OXCT1: variants seen among roughly 807,000 people sequenced by gnomAD.
OXCT1 encodes succinyl-CoA:3-ketoacid coenzyme A transferase 1, mitochondrial.
Under a neutral mutation model 69.6 loss-of-function variants are expected in OXCT1, and 27 were observed. That is an observed-to-expected ratio of 0.39 (90% CI 0.29 to 0.54). The LOEUF (loss-of-function observed/expected upper bound fraction) is 0.54. Ranked by LOEUF, OXCT1 falls within the 20% of genes least tolerant of loss-of-function variation. The pLI is 0.72. For synonymous variants in OXCT1, 202 were observed against 217.8 expected (o/e 0.93, Z 0.64); for missense variants, 437 against 650.2 (o/e 0.67, Z 3.57).
chr5:41,869,641 A>C (rs1257862582), intron 1 of OXCT1, among the ~76,000 whole-genome samples: 1 of 152,192 alleles, frequency 6.6e-6, no homozygotes, highest in Non-Finnish European at 1.5e-5. Flanking sequence ...GGCCAGGGAC[A>C]CACCTCGGAT....
intron 7 of OXCT1, among the ~76,000 whole-genome samples, chr5:41,832,663 C>G (rs903511935): frequency 6.6e-6 from 1 of 152,018 alleles, no homozygotes; most frequent in Non-Finnish European, 1.5e-5. Context: ...CCTCACCAAA[C>G]AAAATAAGGC....
chr5:41,842,072 A>G (rs756727027), intron 6 of OXCT1, among the ~76,000 whole-genome samples: 5 of 152,234 alleles, frequency 3.3e-5, no homozygotes, highest in Admixed American at 6.5e-5. Flanking sequence ...TCAAAAAACA[A>G]CTATATAAAT....
In OXCT1 at chr5:41,762,580, G is replaced by A. The variant is rs1328535186; in HGVS notation, c.1249-380C>T. ...CTTTTTAAACACAATCAACTCTACT[G>A]AGTCTTCAATTAAGGGCACTTTCTA... is the stretch of plus-strand genomic sequence containing the variant. On this transcript the variant is annotated intron_variant, in intron 13 of 16. Transcript: ENST00000196371. This position sits in a 1 kb window ranked among gnomAD's most constrained non-coding sequence, Gnocchi z 4.0. Among the ~76,000 whole-genome samples, 1 of 152,004 alleles carries A rather than the reference G, an allele frequency of 6.6e-6. No individual in the cohort carries two copies. The highest frequency in any genetic ancestry group is 2.4e-5 in the African/African-American group (1 of 41,386).
At chr5:41,749,231 C>T (rs965311337) in intron 15 of OXCT1, among the ~76,000 whole-genome samples, 2 of 151,994 alleles carry the variant, frequency 1.3e-5, no homozygotes, top group African/African-American at 4.8e-5. Flanking sequence ...CATATATCAC[C>T]ATCCAGCCTG....
intron 13 of OXCT1, among the ~76,000 whole-genome samples, chr5:41,767,722 G>GTGTATA (rs1554011237): frequency 5.6e-4 from 50 of 89,954 alleles, no homozygotes; most frequent in Admixed American, 1.3e-3. Flanking sequence ...ATATGTGTGT[G>GTGTATA]TATATATATA....
chr5:41,858,957 C>A (rs1254413870), intron 3 of OXCT1, among the ~76,000 whole-genome samples: 2 of 152,190 alleles, frequency 1.3e-5, no homozygotes, highest in Non-Finnish European at 2.9e-5. Flanking sequence ...TTCAATTACC[C>A]AGTCAACTGC....
intron 7 of OXCT1, among the ~76,000 whole-genome samples, chr5:41,819,185 A>G (rs1000736513): frequency 2.6e-5 from 4 of 152,202 alleles, no homozygotes; most frequent in Admixed American, 1.3e-4. Flanking sequence ...AAACCAAAAG[A>G]GAGCAAAATT....
At chr5:41,781,508 T>C (rs1018037872) in intron 13 of OXCT1, among the ~76,000 whole-genome samples, 2 of 151,966 alleles carry the variant, frequency 1.3e-5, no homozygotes, top group African/African-American at 4.8e-5. Flanking sequence ...GTTTGTTACA[T>C]AGGTAAATGT....
At chr5:41,759,462 A>G (rs897158226) in intron 14 of OXCT1, among the ~76,000 whole-genome samples, 2 of 152,130 alleles carry the variant, frequency 1.3e-5, no homozygotes, top group Admixed American at 6.6e-5. Context: ...GCCTACTTCA[A>G]AACTTTGCCT....
intron 13 of OXCT1, among the ~76,000 whole-genome samples, chr5:41,791,203 G>A (rs1332432978): frequency 6.6e-6 from 1 of 152,042 alleles, no homozygotes; most frequent in Non-Finnish European, 1.5e-5. Flanking sequence ...AAAGAAGTTA[G>A]GAAATGATTA....
Position 41,853,462 on chromosome 5 carries a change from C to T in OXCT1, c.371G>A (p.Arg124Gln), listed in dbSNP as rs761218834. ...SYVGENAEFE[R>Q]QYLSGELEVE... ...TTCTAATTCACCAGATAAGTACTGT[C>T]GTTCAAATTCTGCATTTTCTCCCAC... Residue 124 changes from arginine to glutamine, a missense_variant, in exon 4 of 17, where the codon CGA becomes CAA. By Grantham distance (43) the Arg-to-Gln change is conservative (BLOSUM62 1). Around this residue, in one of 4 missense-constraint regions of OXCT1, gnomAD observed 252 missense variants for 397.4 expected, o/e 0.63. Transcript: ENST00000196371. 5.6e-6 allele frequency: 9 copies of T among 1,613,856 alleles called. No individual in the cohort carries two copies. Among genetic ancestry groups the T allele is most frequent in the Admixed American group, 3.3e-5 (2 of 60,016 alleles).
At chr5:41,850,319 T>C (rs1190918692) in intron 4 of OXCT1, 140 bp from the exon 5 acceptor site, 18 of 896,856 alleles carry the variant, frequency 2.0e-5, no homozygotes, top group South Asian at 4.4e-5. Flanking sequence ...CATACTTCAC[T>C]AATATTGTAT....
At chr5:41,803,687 T>G (rs1207205922) in intron 9 of OXCT1, among the ~76,000 whole-genome samples, 1 of 152,098 alleles carries the variant, frequency 6.6e-6, no homozygotes, top group Non-Finnish European at 1.5e-5. Flanking sequence ...CATTGGTAAC[T>G]GAATTTTCTA....
intron 10 of OXCT1, 129 bp downstream of exon 10, chr5:41,802,940 T>A (rs1401046649): frequency 5.7e-6 from 4 of 697,320 alleles, no homozygotes; most frequent in Admixed American, 4.3e-5. Context: ...ATACAATTTA[T>A]CCATGTAACC....
At chr5:41,799,626 C>T (rs1746337587) in intron 11 of OXCT1, among the ~76,000 whole-genome samples, 1 of 152,176 alleles carries the variant, frequency 6.6e-6, no homozygotes, top group Non-Finnish European at 1.5e-5. Flanking sequence ...TTGGAACATG[C>T]AGTTATTCAT....
chr5:41,738,510 C>T (rs570427399), intron 16 of OXCT1, among the ~76,000 whole-genome samples: 1 of 152,310 alleles, frequency 6.6e-6, no homozygotes, highest in South Asian at 2.1e-4. Context: ...TCTCCTTCAC[C>T]TTCTGCCATG....
chr5:41,774,771 T>A (rs971649493), intron 13 of OXCT1, among the ~76,000 whole-genome samples: 1 of 152,098 alleles, frequency 6.6e-6, no homozygotes, highest in Non-Finnish European at 1.5e-5. Flanking sequence ...GGCATGCACC[T>A]GTAGCCCAGG....
chr5:41,794,201 T>C, intron 12 of OXCT1, 123 bp from the exon 13 acceptor site: 1 of 754,624 alleles, frequency 1.3e-6, no homozygotes, highest in Admixed American at 2.0e-5. Flanking sequence ...ACCACACAAC[T>C]GATTTCCTAA....
At chr5:41,861,440 G>A (rs557982319) in intron 2 of OXCT1, 36 bp from the exon 3 acceptor site, 13 of 1,172,982 alleles carry the variant, frequency 1.1e-5, no homozygotes, top group Middle Eastern at 1.9e-4. Context: ...ATTTGTAAAG[G>A]GGGTAACAAT....
Sources: allele counts gnomAD v4.1 joint callset (sites outside exome capture counted in the v4.1 genomes callset), GRCh38; gene constraint gnomAD v4.1.1; regional missense constraint gnomAD v4.1.1; non-coding constraint Gnocchi (gnomAD v3.1); transcripts MANE v1.5; gene names NCBI Gene and HGNC (gene_info 2026-07-23, HGNC 2026-07-21).